Variants in NOX3 observed in about 807,000 individuals in gnomAD.
NOX3 encodes NADPH oxidase 3.
NOX3 carries 74 observed loss-of-function variants against 76.7 expected under a neutral mutation model. That is an observed-to-expected ratio of 0.96 (90% CI 0.80 to 1.17). The LOEUF is 1.17. NOX3 is among the 50% of genes most tolerant of loss of function. The pLI is 0.00. For missense variants in NOX3, 695 were observed against 703.3 expected (o/e 0.99, Z 0.13); for synonymous variants, 263 against 261.1 (o/e 1.01, Z -0.07).
At chr6:155,439,634 C>A (rs946326789) in intron 6 of NOX3, among the ~76,000 whole-genome samples, 1 of 152,136 alleles carries the variant, frequency 6.6e-6, no homozygotes, top group Non-Finnish European at 1.5e-5. Flanking sequence ...TGAGTAATCT[C>A]ACATAAATTG....
chr6:155,408,527 C>T (rs893401598), intron 11 of NOX3, among the ~76,000 whole-genome samples: 1 of 152,126 alleles, frequency 6.6e-6, no homozygotes, highest in Admixed American at 6.5e-5. Flanking sequence ...CTGACCTTCT[C>T]TCCAGTCTAA....
At chr6:155,452,537 A>T (rs575072531) in intron 4 of NOX3, among the ~76,000 whole-genome samples, 1 of 152,118 alleles carries the variant, frequency 6.6e-6, no homozygotes, top group Admixed American at 6.6e-5. Context: ...CTCATGTCTC[A>T]CTGCACCCCC....
intron 6 of NOX3, among the ~76,000 whole-genome samples, chr6:155,439,175 G>A (rs1562469445): frequency 6.6e-6 from 1 of 152,156 alleles, no homozygotes; most frequent in Non-Finnish European, 1.5e-5. Flanking sequence ...TCATGTATAT[G>A]AATGTGCTTT....
rs553010793 is a variant in NOX3 at position 155,413,688 on chromosome 6, A to G, written c.1309-2328T>C. On this transcript the variant is annotated intron_variant, in intron 10 of 13. Coordinates refer to ENST00000159060, the MANE Select transcript of NOX3 (RefSeq NM_015718.3). ...TGCTCTGGGTGGAAATGAAAAATCT[A>G]CTGGCTGAATTAATGCAGTGCTCAC... 2.6e-5 allele frequency among the ~76,000 whole-genome samples: 4 copies of G among 152,252 alleles called. No homozygotes were observed. The East Asian group carries it at 7.7e-4, about 29-fold the overall frequency.
At chr6:155,416,744 C>CA (rs1354780147) in intron 10 of NOX3, among the ~76,000 whole-genome samples, 2 of 92,536 alleles carry the variant, frequency 2.2e-5, no homozygotes, top group African/African-American at 8.3e-5. Context: ...CTGAAACATT[C>CA]TTTTTTTTTT....
intron 5 of NOX3, among the ~76,000 whole-genome samples, chr6:155,441,158 G>T (rs1032321830): frequency 2.0e-5 from 3 of 152,130 alleles, no homozygotes; most frequent in African/African-American, 7.2e-5. Context: ...CCATGTTCTT[G>T]CCAAGTCATT....
intron 4 of NOX3, among the ~76,000 whole-genome samples, chr6:155,450,790 G>C (rs537379526): frequency 6.6e-6 from 1 of 152,210 alleles, no homozygotes; most frequent in Non-Finnish European, 1.5e-5. Context: ...AAAAGCCAGG[G>C]GGATATGGCA....
At chr6:155,438,280 C>T (rs1412510054) in intron 6 of NOX3, among the ~76,000 whole-genome samples, 1 of 152,148 alleles carries the variant, frequency 6.6e-6, no homozygotes, top group African/African-American at 2.4e-5. Context: ...ACACACCATC[C>T]ACCTTGCCCA....
At chr6:155,418,759 A>AG (rs1240765525) in intron 10 of NOX3, among the ~76,000 whole-genome samples, 2 of 152,240 alleles carry the variant, frequency 1.3e-5, no homozygotes, top group African/African-American at 4.8e-5. Context: ...AATGCAACAG[A>AG]GGAGAAGGGT....
chr6:155,422,211 G>A (rs1776698153), intron 10 of NOX3, among the ~76,000 whole-genome samples: 1 of 152,142 alleles, frequency 6.6e-6, no homozygotes, highest in African/African-American at 2.4e-5. Flanking sequence ...AAAACATACA[G>A]GAAATGACAA....
chr6:155,404,158 AC>A (rs1779274432), intron 12 of NOX3, among the ~76,000 whole-genome samples: 1 of 151,902 alleles, frequency 6.6e-6, no homozygotes, highest in African/African-American at 2.4e-5. Context: ...GAAAATAGCA[AC>A]AAAAACCCCT....
intron 4 of NOX3, among the ~76,000 whole-genome samples, chr6:155,449,201 T>C (rs968878340): frequency 2.2e-4 from 34 of 152,266 alleles, no homozygotes; most frequent in African/African-American, 8.2e-4. Context: ...GCCCTTGTTA[T>C]GTTTATTGAT....
At chr6:155,410,482 G>A (rs778009096) in intron 11 of NOX3, among the ~76,000 whole-genome samples, 8 of 152,206 alleles carry the variant, frequency 5.3e-5, no homozygotes, top group South Asian at 2.1e-4. Flanking sequence ...TAATCACTTC[G>A]TTGTTAATTC....
intron 7 of NOX3, among the ~76,000 whole-genome samples, chr6:155,431,342 A>T (rs999845185): frequency 6.6e-6 from 1 of 152,072 alleles, no homozygotes; most frequent in African/African-American, 2.4e-5. Context: ...ATTACATTTT[A>T]AAATCTCAAA....
intron 4 of NOX3, among the ~76,000 whole-genome samples, chr6:155,444,646 G>T (rs548578120): frequency 1.3e-5 from 2 of 152,120 alleles, no homozygotes; most frequent in African/African-American, 4.8e-5. Context: ...TGCTAGTTTC[G>T]CTGTCACACC....
chr6:155,401,790 C>CA lies in NOX3; in HGVS notation c.1581-4829dup, dbSNP rs5881135. 9.5e-3 allele frequency among the ~76,000 whole-genome samples: 943 copies of CA among 99,348 alleles called. 7 individuals are homozygous for CA. Among genetic ancestry groups the CA allele is most frequent in the Non-Finnish European group, 0.014 (576 of 41,458 alleles). 65.2% of individuals were successfully genotyped at this position (99,348 alleles called of 152,430 possible). A position where few individuals can be genotyped will look rare whatever the true frequency, so the allele number is the denominator to read the frequency against. ...AAAAGAAATACGTCTACTGAAATTA[C>CA]AAAAAAAAAAAAAAAAATGACCAAA... On this transcript the variant is annotated intron_variant, in intron 12 of 13. Coordinates refer to ENST00000159060, the MANE Select transcript of NOX3 (RefSeq NM_015718.3).
intron 6 of NOX3, among the ~76,000 whole-genome samples, chr6:155,439,433 C>G (rs1776952188): frequency 6.6e-6 from 1 of 152,022 alleles, no homozygotes; most frequent in African/African-American, 2.4e-5. Flanking sequence ...AAATGGGGTC[C>G]TAGAGGTCAA....
At chr6:155,398,697 T>C (rs1331793510) in intron 12 of NOX3, among the ~76,000 whole-genome samples, 4 of 152,242 alleles carry the variant, frequency 2.6e-5, no homozygotes, top group Non-Finnish European at 5.9e-5. Flanking sequence ...GAAGAGATTT[T>C]GAGGTGTTTA....
chr6:155,436,312 G>C (rs1240211142), intron 7 of NOX3, 106 bp downstream of exon 7: 1 of 1,287,860 alleles, frequency 7.8e-7, no homozygotes, highest in Non-Finnish European at 1.1e-6. Context: ...TAAAGAGTTG[G>C]CTTTGTCTAG....
Sources: gnomAD v4.1 joint callset for allele counts (sites outside exome capture counted in the v4.1 genomes callset) on GRCh38, gnomAD v4.1.1 for gene constraint, MANE v1.5 for transcripts, NCBI Gene and HGNC (gene_info 2026-07-23, HGNC 2026-07-21) for gene names.